CUX2: variants seen among roughly 807,000 people sequenced by gnomAD.
The protein encoded by CUX2 is homeobox protein cut-like 2.
A neutral mutation model predicts 144.8 loss-of-function variants in CUX2; 40 were observed. The ratio of observed to expected loss-of-function variants is 0.28; its 90% CI spans 0.21 to 0.36. The LOEUF (loss-of-function observed/expected upper bound fraction) is 0.36, where lower values mean the gene tolerates loss of function less well. Among genes scored for constraint, CUX2 ranks in the 10% least tolerant of loss-of-function variants. The probability of loss-of-function intolerance (pLI) is 1.00; values close to 1 mark genes in which losing one functional copy is unlikely to be tolerated. For missense variants in CUX2, 1,615 were observed against 1,994.0 expected (o/e 0.81, Z 3.62); for synonymous variants, 827 against 875.6 (o/e 0.94, Z 0.98).
chr12:111,153,262 G>A (rs776229816), intron 1 of CUX2, among the ~76,000 whole-genome samples: 8 of 152,154 alleles, frequency 5.3e-5, no homozygotes, highest in South Asian at 4.2e-4. Flanking sequence ...TTCAATAAGC[G>A]TATTATGATA....
chr12:111,212,359 G>T (rs1881281221), intron 1 of CUX2, among the ~76,000 whole-genome samples: 1 of 152,082 alleles, frequency 6.6e-6, no homozygotes, highest in South Asian at 2.1e-4. Context: ...GGCAAGAATT[G>T]GTTTCAGCAC....
chr12:111,344,906 A>C (rs1181482814), intron 21 of CUX2, among the ~76,000 whole-genome samples: 1 of 152,092 alleles, frequency 6.6e-6, no homozygotes, highest in East Asian at 1.9e-4. Flanking sequence ...GGTTGGTGCA[A>C]AAGTAATTGC....
chr12:111,192,792 C>G (rs984203866), intron 1 of CUX2, among the ~76,000 whole-genome samples: 1 of 152,192 alleles, frequency 6.6e-6, no homozygotes, highest in African/African-American at 2.4e-5. Flanking sequence ...GCTACTTGCC[C>G]TTTTTACTCA....
At chr12:111,259,685 G>A (rs1378842151) in intron 3 of CUX2, among the ~76,000 whole-genome samples, 1 of 150,494 alleles carries the variant, frequency 6.6e-6, no homozygotes, top group African/African-American at 2.4e-5. Flanking sequence ...GCAATATGTT[G>A]AAACCCCGTC....
intron 1 of CUX2, chr12:111,099,597 A>G (rs767619027): frequency 3.5e-5 from 16 of 456,610 alleles, no homozygotes; most frequent in African/African-American, 6.0e-5. Flanking sequence ...TAGCCCTCAC[A>G]TGGGAGAACA....
At chr12:111,114,869 T>C (rs1874194617) in intron 1 of CUX2, among the ~76,000 whole-genome samples, 1 of 152,256 alleles carries the variant, frequency 6.6e-6, no homozygotes, top group Non-Finnish European at 1.5e-5. Context: ...AGGGTCATTT[T>C]CTTTTTTCTT....
At chr12:111,219,976 T>A (rs113454274) in intron 3 of CUX2, among the ~76,000 whole-genome samples, 5,764 of 152,168 alleles carry the variant, frequency 0.038, 153 homozygotes, top group Non-Finnish European at 0.056. Context: ...AAACCCCAAC[T>A]CTATTAAAAA....
intron 1 of CUX2, among the ~76,000 whole-genome samples, chr12:111,095,472 T>C (rs1872765985): frequency 6.6e-6 from 1 of 151,594 alleles, no homozygotes; most frequent in South Asian, 2.1e-4. Flanking sequence ...GAAAAAAAAA[T>C]GGATGAAGGT....
At chr12:111,238,717 T>TAC (rs111368535) in intron 3 of CUX2, among the ~76,000 whole-genome samples, 8,245 of 151,986 alleles carry the variant, frequency 0.054, 738 homozygotes, top group African/African-American at 0.19. Context: ...TACATCCACA[T>TAC]ACACACACAC....
chr12:111,198,838 G>A (rs975888278), intron 1 of CUX2, among the ~76,000 whole-genome samples: 1 of 152,226 alleles, frequency 6.6e-6, no homozygotes, highest in African/African-American at 2.4e-5. Context: ...GGAGCAGCAG[G>A]TGTAGCTGGA....
At chr12:111,142,353 AATCCATCT>A in intron 1 of CUX2, among the ~76,000 whole-genome samples, 1 of 152,294 alleles carries the variant, frequency 6.6e-6, no homozygotes, top group South Asian at 2.1e-4. Flanking sequence ...GTCCCAATTT[AATCCATCT>A]ATCTAGTGTT....
chr12:111,306,451 T>C (rs149969018), intron 10 of CUX2, among the ~76,000 whole-genome samples: 107 of 152,092 alleles, frequency 7.0e-4, no homozygotes, highest in Middle Eastern at 3.4e-3. Flanking sequence ...TTTCCTAAAA[T>C]GTGGAGAAGC....
intron 3 of CUX2, among the ~76,000 whole-genome samples, chr12:111,228,835 G>A (rs1882314636): frequency 6.6e-6 from 1 of 152,076 alleles, no homozygotes; most frequent in South Asian, 2.1e-4. Context: ...CTGTGACTGG[G>A]GCACTTTTCT....
At chr12:111,138,830 T>A (rs1041203471) in intron 1 of CUX2, among the ~76,000 whole-genome samples, 10 of 152,006 alleles carry the variant, frequency 6.6e-5, no homozygotes, top group Admixed American at 1.3e-4. Flanking sequence ...CCTGGCCCGC[T>A]TCCCTCAAGT....
chr12:111,114,370 T>C (rs923289559), intron 1 of CUX2, among the ~76,000 whole-genome samples: 2 of 152,244 alleles, frequency 1.3e-5, no homozygotes, highest in Admixed American at 6.5e-5. Flanking sequence ...TTTTCATTGC[T>C]TATTTGCTGT....
chr12:111,174,189 C>T (rs1878703720), intron 1 of CUX2, among the ~76,000 whole-genome samples: 1 of 152,102 alleles, frequency 6.6e-6, no homozygotes, highest in South Asian at 2.1e-4. Context: ...CTTGAAATGC[C>T]CTGTCTGGCT....
chr12:111,220,782 T>TAAAAAAAAAAA (rs1881810656), intron 3 of CUX2, among the ~76,000 whole-genome samples: 1 of 70,846 alleles, frequency 1.4e-5, no homozygotes, highest in African/African-American at 5.5e-5. Flanking sequence ...AAAAAAAAAT[T>TAAAAAAAAAAA]TAAATGAGCT....
intron 18 of CUX2, among the ~76,000 whole-genome samples, chr12:111,332,760 T>G (rs535696322): frequency 1.3e-4 from 20 of 152,342 alleles, no homozygotes; most frequent in African/African-American, 4.3e-4. Context: ...ATTGACATCT[T>G]GTCCCTTTAG....
At chr12:111,044,755 A>AG (rs1869917098) in intron 1 of CUX2, among the ~76,000 whole-genome samples, 1 of 152,178 alleles carries the variant, frequency 6.6e-6, no homozygotes, top group Non-Finnish European at 1.5e-5. Flanking sequence ...GGGATGAGGT[A>AG]GGGGGCAGTT....
Sources: gnomAD v4.1 joint callset for allele counts (sites outside exome capture counted in the v4.1 genomes callset) on GRCh38, gnomAD v4.1.1 for gene constraint, MANE v1.5 for transcripts, NCBI Gene and HGNC (gene_info 2026-07-23, HGNC 2026-07-21) for gene names.